The following GSE1 variants were observed in gnomAD, a reference collection of about 807,000 sequenced individuals.
The protein encoded by GSE1 is Gse1 coiled-coil protein, also known as genetic suppressor element 1.
GSE1 carries 32 observed loss-of-function variants against 112.6 expected under a neutral mutation model. The ratio of observed to expected loss-of-function variants is 0.28; its 90% CI spans 0.21 to 0.38. The LOEUF (loss-of-function observed/expected upper bound fraction) is 0.38, where lower values mean the gene tolerates loss of function less well. Among genes scored for constraint, GSE1 ranks in the 10% least tolerant of loss-of-function variants. GSE1 has a pLI of 1.00. For missense variants in GSE1, 2,348 were observed against 1,699.2 expected (o/e 1.38, Z -6.71); for synonymous variants, 1,115 against 735.6 (o/e 1.52, Z -8.35).
At chr16:85,648,798 C>T (rs2051095327) in intron 3 of GSE1, 47 bp downstream of exon 3, 1 of 1,173,682 alleles carries the variant, frequency 8.5e-7, no homozygotes, top group Non-Finnish European at 1.2e-6. Context: ...AGTGGGGAGG[C>T]TGGATTCAGG....
chr16:85,335,381 C>T (rs909288835), intron 1 of GSE1, among the ~76,000 whole-genome samples: 2 of 152,208 alleles, frequency 1.3e-5, no homozygotes, highest in African/African-American at 4.8e-5. Context: ...TGAGTTCAGT[C>T]GGCTTTTTAA....
chr16:85,417,942 C>T (rs530314237), intron 2 of GSE1, among the ~76,000 whole-genome samples: 2 of 152,352 alleles, frequency 1.3e-5, no homozygotes, highest in South Asian at 2.1e-4. Flanking sequence ...CGAGTTCAAG[C>T]GATTCTCTGC....
chr16:85,457,681 TG>T (rs2049865891), intron 2 of GSE1, among the ~76,000 whole-genome samples: 1 of 152,160 alleles, frequency 6.6e-6, no homozygotes, highest in African/African-American at 2.4e-5. Context: ...GAAGGAGACT[TG>T]GGGGTGATTG....
chr16:85,265,339 T>C (rs567092993), intron 1 of GSE1, among the ~76,000 whole-genome samples: 69 of 152,284 alleles, frequency 4.5e-4, no homozygotes, highest in Non-Finnish European at 9.3e-4. Context: ...CCACCTCCGC[T>C]GGGTGGAGGC....
At chr16:85,438,392 T>G (rs1421709493) in intron 2 of GSE1, among the ~76,000 whole-genome samples, 1 of 152,164 alleles carries the variant, frequency 6.6e-6, no homozygotes, top group Non-Finnish European at 1.5e-5. Context: ...CGCACCCCGC[T>G]CTGTTCTTGG....
At chr16:85,451,263 C>T (rs1309323553) in intron 2 of GSE1, among the ~76,000 whole-genome samples, 2 of 152,174 alleles carry the variant, frequency 1.3e-5, no homozygotes, top group Admixed American at 1.3e-4. Context: ...TGGTCATTCC[C>T]CACCTCCAGC....
chr16:85,647,034 C>A (rs1375343265), intron 2 of GSE1, among the ~76,000 whole-genome samples: 1 of 152,174 alleles, frequency 6.6e-6, no homozygotes, highest in African/African-American at 2.4e-5. Flanking sequence ...AGGGAGACAA[C>A]AGAGGGGAGC....
chr16:85,465,179 C>T (rs966835199), intron 2 of GSE1, among the ~76,000 whole-genome samples: 58 of 152,336 alleles, frequency 3.8e-4, no homozygotes, highest in South Asian at 1.0e-3. Context: ...CCCTGGTTCC[C>T]GGCTGCATGC....
At chr16:85,330,534 C>G (rs1214956559) in intron 1 of GSE1, among the ~76,000 whole-genome samples, 2 of 152,250 alleles carry the variant, frequency 1.3e-5, no homozygotes, top group Non-Finnish European at 2.9e-5. Flanking sequence ...AACACAGAGA[C>G]AGCCCCTCGC....
intron 2 of GSE1, among the ~76,000 whole-genome samples, chr16:85,363,740 GAGGAA>G (rs1420669701): frequency 6.6e-6 from 1 of 151,678 alleles, no homozygotes; most frequent in Non-Finnish European, 1.5e-5. Context: ...TTGGCCACCT[GAGGAA>G]AGGAAAGCCA....
chr16:85,433,326 C>T (rs1209979337), intron 2 of GSE1, among the ~76,000 whole-genome samples: 1 of 152,114 alleles, frequency 6.6e-6, no homozygotes, highest in African/African-American at 2.4e-5. Context: ...TCACCTGGGT[C>T]CAGTTACCAG....
intron 15 of GSE1, chr16:85,672,025 G>T (rs1332734500): frequency 9.3e-6 from 2 of 215,146 alleles, no homozygotes; most frequent in East Asian, 2.7e-4. Context: ...TTGAGGCGAA[G>T]TCTCACTCTG....
At chr16:85,340,785 A>G (rs1335459188) in intron 1 of GSE1, among the ~76,000 whole-genome samples, 1 of 151,486 alleles carries the variant, frequency 6.6e-6, no homozygotes, top group Non-Finnish European at 1.5e-5. Flanking sequence ...TTTCTCCCAC[A>G]TGTCAGGCTG....
chr16:85,488,261 C>T (rs1351129274), intron 2 of GSE1, among the ~76,000 whole-genome samples: 2 of 152,166 alleles, frequency 1.3e-5, no homozygotes, highest in African/African-American at 4.8e-5. Context: ...TCCTCGTCCT[C>T]TTGCAGTCTT....
upstream of GSE1, among the ~76,000 whole-genome samples, chr16:85,607,390 C>T (rs1445003126): frequency 2.0e-5 from 3 of 152,252 alleles, no homozygotes; most frequent in African/African-American, 4.8e-5. Context: ...GCGGTGGCGG[C>T]GTCCCCATTC....
At chr16:85,179,371 GGAT>G (rs577925980) in intron 1 of GSE1, among the ~76,000 whole-genome samples, 212 of 152,298 alleles carry the variant, frequency 1.4e-3, no homozygotes, top group African/African-American at 4.9e-3. Flanking sequence ...GCCGTTGTAT[GGAT>G]GGACCACGTT....
chr16:85,641,014 C>T (rs1423843959), intron 2 of GSE1, among the ~76,000 whole-genome samples: 1 of 152,240 alleles, frequency 6.6e-6, no homozygotes, highest in African/African-American at 2.4e-5. Flanking sequence ...GTGGGGAGCC[C>T]TGGGCAGGGT....
At chr16:85,625,344 G>A (rs1440646542) in intron 1 of GSE1, among the ~76,000 whole-genome samples, 4 of 152,204 alleles carry the variant, frequency 2.6e-5, no homozygotes, top group East Asian at 3.9e-4. Flanking sequence ...GTCCGTGGCC[G>A]TGAACCTCAG....
At chr16:85,208,196 G>A (rs58311174) in intron 1 of GSE1, among the ~76,000 whole-genome samples, 62,693 of 151,986 alleles carry the variant, frequency 0.41, 13,143 homozygotes, top group Middle Eastern at 0.48. Flanking sequence ...CTGGTGTCCA[G>A]GCCCTTGGTG....
Sources: gnomAD v4.1 joint callset for allele counts (sites outside exome capture counted in the v4.1 genomes callset) on GRCh38, gnomAD v4.1.1 for gene constraint, MANE v1.5 for transcripts, NCBI Gene and HGNC (gene_info 2026-07-23, HGNC 2026-07-21) for gene names.